The following MFHAS1 variants were observed in gnomAD, a reference collection of about 807,000 sequenced individuals.
MFHAS1 encodes multifunctional ROCO family signaling regulator 1, also known as malignant fibrous histiocytoma-amplified sequence 1.
MFHAS1 carries 50 observed loss-of-function variants against 70.4 expected under a neutral mutation model. The observed-to-expected ratio is 0.71, with a 90% CI of 0.57 to 0.90. MFHAS1 has a LOEUF of 0.90. Among genes scored for constraint, MFHAS1 ranks in the 40% least tolerant of loss-of-function variants. The pLI is 0.00. For synonymous variants in MFHAS1, 952 were observed against 620.0 expected, an observed-to-expected ratio of 1.54 and a Z score of -7.96; for missense variants, 1,795 against 1,347.6, an observed-to-expected ratio of 1.33 and a Z score of -5.20.
chr8:8,797,547 T>C (rs941292310), intron 1 of MFHAS1, 56 bp from the exon 2 acceptor site: 12 of 1,573,976 alleles, frequency 7.6e-6, no homozygotes, highest in East Asian at 2.3e-5. Flanking sequence ...AATGGGCTCA[T>C]TTTACAAAGA....
At chr8:8,864,297 G>A (rs1239797186) in intron 1 of MFHAS1, among the ~76,000 whole-genome samples, 1 of 152,168 alleles carries the variant, frequency 6.6e-6, no homozygotes, top group Non-Finnish European at 1.5e-5. Context: ...AACCAAATCT[G>A]CTGCTACTGG....
chr8:8,892,899 G>A lies in MFHAS1; in HGVS notation c.160C>T (p.Pro54Ser). Residue 54 changes from proline (P) to serine (S), a missense_variant, in exon 1 of 3, where the codon CCC (proline) becomes TCC (serine). Physicochemically the swap from Pro to Ser is moderately conservative, Grantham distance 74. Coordinates refer to ENST00000276282, the MANE Select transcript of MFHAS1 (RefSeq NM_004225.3). The surrounding 1 kb of genome is among the most constrained non-coding windows in gnomAD (Gnocchi z 4.7). ...AGGTTGGCCGGCAGCACGAGCTGGG[G>A]GGAGGCGGGGGACTCGAGCGCGTCG... Reference protein sequence around the residue: ...GADALESPASPQLVLPANLGD... With the variant: ...GADALESPASSQLVLPANLGD... The A allele has an allele frequency of 6.4e-7, 1 of 1,572,832 alleles. No individual in the cohort carries two copies. The highest frequency in any genetic ancestry group is 8.6e-7 in the Non-Finnish European group (1 of 1,162,220).
intron 1 of MFHAS1, among the ~76,000 whole-genome samples, chr8:8,870,290 CAAAAAAAAAAA>C (rs61229252): frequency 6.4e-4 from 72 of 113,050 alleles, no homozygotes; most frequent in East Asian, 2.7e-3. Flanking sequence ...CCTGTCTCTA[CAAAAAAAAAAA>C]AAAAAAAAAA....
At chr8:8,798,128 G>A (rs560045489) in intron 1 of MFHAS1, among the ~76,000 whole-genome samples, 7 of 152,232 alleles carry the variant, frequency 4.6e-5, no homozygotes, top group East Asian at 1.9e-4. Context: ...TTAAAGGAAC[G>A]CTATTACTCT....
At chr8:8,879,365 A>G (rs1321791016) in intron 1 of MFHAS1, among the ~76,000 whole-genome samples, 1 of 152,064 alleles carries the variant, frequency 6.6e-6, no homozygotes, top group Non-Finnish European at 1.5e-5. Flanking sequence ...AAAAAAAGGT[A>G]AGGACTCCTG....
intron 1 of MFHAS1, among the ~76,000 whole-genome samples, chr8:8,814,318 A>G (rs117410101): frequency 6.6e-6 from 1 of 152,262 alleles, no homozygotes; most frequent in East Asian, 1.9e-4. Context: ...CGTTGTTACA[A>G]TGGTCACAAT....
chr8:8,883,594 GC>G (rs1809615273), intron 1 of MFHAS1, among the ~76,000 whole-genome samples: 1 of 151,000 alleles, frequency 6.6e-6, no homozygotes, highest in Non-Finnish European at 1.5e-5. Flanking sequence ...TGTAATCCCA[GC>G]TACTCGGGAG....
At chr8:8,794,508 G>A (rs1805827994) in intron 2 of MFHAS1, among the ~76,000 whole-genome samples, 1 of 152,188 alleles carries the variant, frequency 6.6e-6, no homozygotes, top group Non-Finnish European at 1.5e-5. Context: ...GCTTAAGGCG[G>A]TGAAGGTGGG....
chr8:8,884,524 T>A (rs939401354), intron 1 of MFHAS1, among the ~76,000 whole-genome samples: 8 of 152,300 alleles, frequency 5.3e-5, no homozygotes, highest in South Asian at 2.1e-4. Flanking sequence ...GAAGGACCCA[T>A]TCAAGGGTAA....
At chr8:8,861,495 T>C (rs1246157434) in intron 1 of MFHAS1, among the ~76,000 whole-genome samples, 1 of 152,210 alleles carries the variant, frequency 6.6e-6, no homozygotes, top group Non-Finnish European at 1.5e-5. Context: ...ACAAGGTATA[T>C]ACCAAATTAG....
chr8:8,887,308 C>A (rs754548164), intron 1 of MFHAS1, among the ~76,000 whole-genome samples: 2 of 152,112 alleles, frequency 1.3e-5, no homozygotes, highest in Non-Finnish European at 2.9e-5. Flanking sequence ...ATTTCTAACT[C>A]ATTATTTTAA....
In MFHAS1 at chr8:8,893,216, G is replaced by C. The variant is rs1018952926; in HGVS notation, c.-158C>G. On this transcript the variant is annotated 5_prime_UTR_variant, in exon 1 of 3. Transcript: ENST00000276282. ...GCGCAGCCAGCGGCCGAGCGCTGGC[G>C]GCTAGGGGGCGGCGGCGACGCGAGC... 39 of 226,318 alleles carry C rather than the reference G, an allele frequency of 1.7e-4. No individual in the cohort carries two copies. The highest frequency in any genetic ancestry group is 8.2e-4 in the African/African-American group (35 of 42,752). 14.0% of individuals were successfully genotyped at this position (226,318 alleles called of 1,614,324 possible).
Position 8,891,815 on chromosome 8 carries a change from A to T in MFHAS1, c.1244T>A (p.Met415Lys). 1 of 1,613,358 alleles carries T rather than the reference A, an allele frequency of 6.2e-7. No homozygotes were observed. Among genetic ancestry groups the T allele is most frequent in the Non-Finnish European group, 8.5e-7 (1 of 1,179,988 alleles). Residue 415 changes from methionine to lysine, a missense_variant, in exon 1 of 3, where the codon ATG (methionine) becomes AAG (lysine). Coordinates refer to ENST00000276282, the MANE Select transcript of MFHAS1 (RefSeq NM_004225.3). This position sits in a 1 kb window ranked among gnomAD's most constrained non-coding sequence, Gnocchi z 5.4. ...AVQPRLKLLL[M>K]GHKAAGKTLL... ...AGTCTTTCCTGCAGCCTTATGCCCC[A>T]TCAGGAGCAGCTTGAGCCGGGGCTG...
At chr8:8,862,193 G>C (rs570046608) in intron 1 of MFHAS1, among the ~76,000 whole-genome samples, 2 of 152,056 alleles carry the variant, frequency 1.3e-5, no homozygotes, top group South Asian at 2.1e-4. Context: ...GTCAACATTT[G>C]GTATGGTCAG....
intron 2 of MFHAS1, among the ~76,000 whole-genome samples, chr8:8,795,343 A>G (rs549686362): frequency 4.6e-5 from 7 of 152,348 alleles, no homozygotes; most frequent in Non-Finnish European, 7.3e-5. Flanking sequence ...CCGTTGTTTG[A>G]TATGTTCAGG....
intron 2 of MFHAS1, among the ~76,000 whole-genome samples, 162 bp downstream of exon 2, chr8:8,797,203 T>G (rs1448482307): frequency 1.3e-5 from 2 of 152,002 alleles, no homozygotes; most frequent in African/African-American, 2.4e-5. Flanking sequence ...CCTGTTTTGC[T>G]GCATAAATCA....
chr8:8,843,561 A>G (rs967406028), intron 1 of MFHAS1, among the ~76,000 whole-genome samples: 2 of 152,244 alleles, frequency 1.3e-5, no homozygotes, highest in East Asian at 1.9e-4. Flanking sequence ...AGCCTGGGCT[A>G]AAGAGTGGGA....
chr8:8,890,091 T>C lies in MFHAS1; in HGVS notation c.2968A>G (p.Arg990Gly). 7 of 1,611,408 alleles carry C rather than the reference T, an allele frequency of 4.3e-6. No individual in the cohort carries two copies. Among genetic ancestry groups the C allele is most frequent in the Non-Finnish European group, 5.9e-6 (7 of 1,178,222 alleles). ...AAAGCATGTGGATTGGGCGATCCTCTCTTAAGGCACTTAGAACAGAGAATG... is the reference window on the plus strand; with the variant it reads ...AAAGCATGTGGATTGGGCGATCCTCCCTTAAGGCACTTAGAACAGAGAATG... ...VHILCSKCLKRGSPNPHAFPG... is the reference protein window; with the variant it reads ...VHILCSKCLKGGSPNPHAFPG... The change falls in exon 1 of 3, where the codon AGA becomes GGA. Residue 990 changes from arginine (R) to glycine (G), a missense_variant. Coordinates refer to ENST00000276282, the MANE Select transcript of MFHAS1 (RefSeq NM_004225.3).
At chr8:8,871,726 C>T (rs986059448) in intron 1 of MFHAS1, among the ~76,000 whole-genome samples, 6 of 152,204 alleles carry the variant, frequency 3.9e-5, no homozygotes, top group African/African-American at 1.4e-4. Flanking sequence ...GAGGTCCAGG[C>T]CCCCGACTTC....
Sources: gnomAD v4.1 joint callset for allele counts (sites outside exome capture counted in the v4.1 genomes callset) on GRCh38, gnomAD v4.1.1 for gene constraint, Gnocchi (gnomAD v3.1) non-coding constraint, MANE v1.5 for transcripts, NCBI Gene and HGNC (gene_info 2026-07-23, HGNC 2026-07-21) for gene names.